ZNF667: variants seen among roughly 807,000 people sequenced by gnomAD.
ZNF667 encodes the protein myocardial ischemic preconditioning upregulated 1 ortholog.
Under a neutral mutation model 31.8 loss-of-function variants are expected in ZNF667, and 13 were observed. The observed-to-expected ratio is 0.41, with a 90% CI of 0.27 to 0.65. The LOEUF is 0.65. Ranked by LOEUF, ZNF667 falls within the 30% of genes least tolerant of loss-of-function variation. The pLI, the probability that ZNF667 is intolerant of heterozygous loss-of-function variation, is 0.32. For synonymous variants in ZNF667, 228 were observed against 247.1 expected (o/e 0.92, Z 0.73); for missense variants, 642 against 725.6 (o/e 0.88, Z 1.32).
chr19:56,442,732 G>T lies in ZNF667; in HGVS notation c.263C>A (p.Ser88Tyr). 1 of 1,574,772 alleles carries T rather than the reference G, an allele frequency of 6.4e-7. No individual in the cohort carries two copies. The highest frequency in any genetic ancestry group is 1.2e-5 in the South Asian group (1 of 85,480). ...VRRRRAPDSG[S>Y]KCETKKLPPN... is the part of the protein sequence containing the mutation. ...AGGTAACTTCTTGGTCTCACATTTA[G>T]ACCCCGAGTCTGAAAGACATAAAGG... Residue 88 changes from serine (S) to tyrosine (Y), a missense_variant, in exon 7 of 7, where the codon TCT becomes TAT. Physicochemically the swap from Ser to Tyr is moderately radical, Grantham distance 144 (BLOSUM62 -2). Coordinates refer to ENST00000504904, the MANE Select transcript of ZNF667 (RefSeq NM_001321356.2).
Position 56,441,284 on chromosome 19 carries a change from T to A in ZNF667, c.1711A>T (p.Ile571Phe), listed in dbSNP as rs754979497. The A allele has an allele frequency of 9.3e-6, 15 of 1,613,904 alleles. No individual in the cohort carries two copies. In the East Asian group the frequency reaches 2.9e-4, roughly 31 times the overall value. ...GAAGAATGACTTCTCTGATGTCGAA[T>A]AAGGTCTGAGCCACTGCTAAATGCC... ...GKAFSSGSDL[I>F]RHQRSHSSEK... The change falls in exon 7 of 7, where the codon ATT becomes TTT. Residue 571 changes from isoleucine (I) to phenylalanine (F), a missense_variant. Coordinates refer to ENST00000504904, the MANE Select transcript of ZNF667 (RefSeq NM_001321356.2). This position sits in a 1 kb window ranked among gnomAD's most constrained non-coding sequence, Gnocchi z 4.2.
At chr19:56,466,067 G>C (rs1568452070) in intron 3 of ZNF667, among the ~76,000 whole-genome samples, 1 of 152,188 alleles carries the variant, frequency 6.6e-6, no homozygotes, top group Non-Finnish European at 1.5e-5. Context: ...TGTGTAGACA[G>C]CACCTCGCAT....
At chr19:56,469,031 T>C (rs2043228071) in intron 3 of ZNF667, 1 of 152,244 alleles carries the variant, frequency 6.6e-6, no homozygotes, top group Non-Finnish European at 1.5e-5. Flanking sequence ...CCTTCCACTA[T>C]TTCCTTCCAG....
At chr19:56,459,990 C>G (rs1280993874) in intron 5 of ZNF667, among the ~76,000 whole-genome samples, 1 of 142,344 alleles carries the variant, frequency 7.0e-6, no homozygotes, top group Admixed American at 7.0e-5. Context: ...GACTCTGTAT[C>G]AAAAAAAAAA....
intron 3 of ZNF667, among the ~76,000 whole-genome samples, chr19:56,467,341 G>C (rs1236078740): frequency 3.9e-5 from 6 of 152,142 alleles, no homozygotes; most frequent in Non-Finnish European, 7.4e-5. Context: ...CAGATGTGAT[G>C]AAGTTAAGGA....
chr19:56,469,818 G>C lies in ZNF667; in HGVS notation c.-60+1881C>G, dbSNP rs1209479543. ...GCCTTAGACCAGCATCCAGCACACGGAAAGGGCTTAAGTGTTTGCTAACTG... is the reference window on the plus strand; with the variant it reads ...GCCTTAGACCAGCATCCAGCACACGCAAAGGGCTTAAGTGTTTGCTAACTG... On this transcript the variant is annotated intron_variant, in intron 3 of 6. Transcript: ENST00000504904. 2.2e-5 allele frequency: 9 copies of C among 410,332 alleles called. No homozygotes were observed. In the Admixed American group the frequency reaches 2.2e-4, roughly 10 times the overall value. The allele number at this position is 410,332 out of a possible 1,614,324, so 25.4% of individuals were successfully genotyped here.
Position 56,462,382 on chromosome 19 carries a change from C to G in ZNF667, c.-12G>C, listed in dbSNP as rs144695027. 2.5e-6 allele frequency: 4 copies of G among 1,614,210 alleles called. No homozygotes were observed. The highest frequency in any genetic ancestry group is 1.7e-5 in the Admixed American group (1 of 60,022). On this transcript the variant is annotated 5_prime_UTR_variant, in exon 4 of 7. Transcript: ENST00000504904. ...CGTGCAGAAGGCATCCTTTCCTCCCCCTTTAGGGTCCACACTGAGAGATGG... is the reference window on the plus strand; with the variant it reads ...CGTGCAGAAGGCATCCTTTCCTCCCGCTTTAGGGTCCACACTGAGAGATGG...
intron 3 of ZNF667, among the ~76,000 whole-genome samples, chr19:56,469,506 AT>A (rs2043239854): frequency 6.6e-6 from 1 of 152,116 alleles, no homozygotes; most frequent in African/African-American, 2.4e-5. Flanking sequence ...AGAATGAAGA[AT>A]CACGTTTGGG....
intron 6 of ZNF667, among the ~76,000 whole-genome samples, chr19:56,455,075 A>G (rs182282258): frequency 8.5e-4 from 130 of 152,354 alleles, no homozygotes; most frequent in Admixed American, 1.5e-3. Flanking sequence ...CATATGAGAA[A>G]GTGCTCAACA....
intron 3 of ZNF667, among the ~76,000 whole-genome samples, chr19:56,471,259 A>G (rs1234552663): frequency 6.6e-6 from 1 of 152,006 alleles, no homozygotes; most frequent in Admixed American, 6.6e-5. Flanking sequence ...TGAAGCTGCT[A>G]TGTTTCCTGT....
At chr19:56,463,250 CTG>C (rs923729788) in intron 3 of ZNF667, among the ~76,000 whole-genome samples, 4 of 152,096 alleles carry the variant, frequency 2.6e-5, no homozygotes, top group Non-Finnish European at 4.4e-5. Context: ...GGTGGGTTAA[CTG>C]TGTGTCAGAA....
chr19:56,465,934 G>A (rs55755794), intron 3 of ZNF667, among the ~76,000 whole-genome samples: 1,781 of 152,266 alleles, frequency 0.012, 45 homozygotes, highest in African/African-American at 0.041. Flanking sequence ...TACAATTTAC[G>A]CCTTATGTTG....
chr19:56,453,846 A>C (rs2147740014), intron 6 of ZNF667, among the ~76,000 whole-genome samples: 1 of 152,358 alleles, frequency 6.6e-6, no homozygotes, highest in African/African-American at 2.4e-5. Flanking sequence ...AGCTAGAGCA[A>C]TCAGAGAAGA....
chr19:56,448,209 T>A (rs940312948), intron 6 of ZNF667, among the ~76,000 whole-genome samples: 1 of 152,044 alleles, frequency 6.6e-6, no homozygotes, highest in African/African-American at 2.4e-5. Flanking sequence ...GGACTCTGCA[T>A]TGGAACTCAG....
chr19:56,473,903 T>C (rs2043346109), intron 2 of ZNF667, 109 bp downstream of exon 2: 1 of 152,234 alleles, frequency 6.6e-6, no homozygotes, highest in East Asian at 1.9e-4. Context: ...CCAGGTTATA[T>C]GTGTGAGTAT....
At chr19:56,466,861 G>C in intron 3 of ZNF667, 1 of 391,930 alleles carries the variant, frequency 2.6e-6, no homozygotes, top group South Asian at 1.9e-5. Flanking sequence ...GAGTGCATCT[G>C]CACATTCCAG....
intron 5 of ZNF667, among the ~76,000 whole-genome samples, chr19:56,459,668 C>T (rs2043003696): frequency 6.6e-6 from 1 of 152,130 alleles, no homozygotes; most frequent in Non-Finnish European, 1.5e-5. Flanking sequence ...ATTCACCTTT[C>T]AACAACACCT....
Position 56,441,027 on chromosome 19 carries a change from C to A in ZNF667, c.*135G>T. On this transcript the variant is annotated 3_prime_UTR_variant, in exon 7 of 7. Coordinates refer to ENST00000504904, the MANE Select transcript of ZNF667 (RefSeq NM_001321356.2). The surrounding 1 kb of genome is among the most constrained non-coding windows in gnomAD (Gnocchi z 4.2). ...ATCCTGAGGTCAAAATCACCAATGA[C>A]TTTTGCTCTTTGGCTTTCAAAGTGG... is the stretch of plus-strand genomic sequence containing the variant. The A allele has an allele frequency of 6.9e-7, 1 of 1,450,950 alleles. No homozygotes were observed. The highest frequency in any genetic ancestry group is 1.5e-5 in the South Asian group (1 of 65,816). The allele number at this position is 1,450,950 out of a possible 1,614,324, so 89.9% of individuals were successfully genotyped here.
intron 6 of ZNF667, among the ~76,000 whole-genome samples, chr19:56,453,736 G>GA (rs1393896099): frequency 1.3e-5 from 2 of 151,528 alleles, no homozygotes; most frequent in African/African-American, 2.4e-5. Flanking sequence ...ATACTGAATG[G>GA]AAAAAAAACC....
Sources: gnomAD v4.1 joint callset for allele counts (sites outside exome capture counted in the v4.1 genomes callset) on GRCh38, gnomAD v4.1.1 for gene constraint, Gnocchi (gnomAD v3.1) non-coding constraint, MANE v1.5 for transcripts, NCBI Gene and HGNC (gene_info 2026-07-23, HGNC 2026-07-21) for gene names.